The following TMED10 variants were observed in gnomAD, a reference collection of about 807,000 sequenced individuals.
The protein encoded by TMED10 is transmembrane emp24 domain-containing protein 10.
TMED10 carries 7 observed loss-of-function variants against 23.1 expected under a neutral mutation model. The ratio of observed to expected loss-of-function variants is 0.30; its 90% CI spans 0.17 to 0.57. The LOEUF (loss-of-function observed/expected upper bound fraction) is 0.57. Among genes scored for constraint, TMED10 ranks in the 20% least tolerant of loss-of-function variants. TMED10 has a pLI of 0.91. For missense variants in TMED10, 162 were observed against 274.8 expected (o/e 0.59, Z 2.90); for synonymous variants, 113 against 106.9 (o/e 1.06, Z -0.35).
chr14:75,176,214 G>T, intron 1 of TMED10, 141 bp downstream of exon 1: 1 of 1,020,990 alleles, frequency 9.8e-7, no homozygotes. Flanking sequence ...TGAGGGGGCG[G>T]GCTCCACCGC....
chr14:75,147,185 G>GTTTTTTTTTTGTTTTTTTTTTTTTTT (rs1491353231), intron 3 of TMED10, among the ~76,000 whole-genome samples: 19 of 116,634 alleles, frequency 1.6e-4, no homozygotes, highest in African/African-American at 6.9e-4. Context: ...CTTCAAGGCT[G>GTTTTTTTTTTGTTTTTTTTTTTTTTT]TTTTTTTTTT....
At chr14:75,135,943 T>C in intron 3 of TMED10, 57 bp from the exon 4 acceptor site, 3 of 1,595,234 alleles carry the variant, frequency 1.9e-6, no homozygotes, top group East Asian at 2.2e-5. Flanking sequence ...GTCAAGAACA[T>C]AAAGAAGGCA....
At chr14:75,153,831 G>A (rs1466924729) in intron 1 of TMED10, among the ~76,000 whole-genome samples, 2 of 138,796 alleles carry the variant, frequency 1.4e-5, no homozygotes, top group Non-Finnish European at 3.0e-5. Flanking sequence ...GTGCAGTGGC[G>A]TGATCTCGGC....
Position 75,151,215 on chromosome 14 carries a change from G to T in TMED10, c.337+817C>A, listed in dbSNP as rs112696793. ...TCACTGCGCCCGGCCAGTTTTTTTT[G>T]TTGTTGTTGTTGTTTATTTTTTTGA... is the stretch of plus-strand genomic sequence containing the variant. On this transcript the variant is annotated intron_variant, in intron 2 of 4. Transcript: ENST00000303575. Among the ~76,000 whole-genome samples, 1,212 of 149,760 alleles carry T rather than the reference G, an allele frequency of 8.1e-3. 10 individuals carry two copies. The highest frequency in any genetic ancestry group is 0.022 in the African/African-American group (896 of 40,682).
chr14:75,160,233 G>A lies in TMED10; in HGVS notation c.226-8090C>T, dbSNP rs535320392. 7.9e-5 allele frequency among the ~76,000 whole-genome samples: 12 copies of A among 152,184 alleles called. No individual in the cohort carries two copies. The South Asian group carries it at 1.0e-3, about 13-fold the overall frequency. On this transcript the variant is annotated intron_variant, in intron 1 of 4. Transcript: ENST00000303575. ...GTTCATATAACTTTGTAGTTATTTA[G>A]GAGCCAAGTCATTAGTCTTAAAGAA...
intron 1 of TMED10, among the ~76,000 whole-genome samples, chr14:75,156,135 G>A (rs984197608): frequency 6.6e-6 from 1 of 152,106 alleles, no homozygotes; most frequent in African/African-American, 2.4e-5. Context: ...GAAAGATGAC[G>A]CTACCAGTAC....
chr14:75,158,454 C>T (rs1403944952), intron 1 of TMED10, among the ~76,000 whole-genome samples: 1 of 152,232 alleles, frequency 6.6e-6, no homozygotes, highest in Non-Finnish European at 1.5e-5. Flanking sequence ...CAGTCTTCCG[C>T]GTAGCTGGGA....
Position 75,137,592 on chromosome 14 carries a change from G to A in TMED10, c.412-1706C>T, listed in dbSNP as rs528471455. Reference sequence around the variant, plus strand: ...CGGGAGGCTGCGGCAGGAGAATGGCGTGAACCCAGGAGGCGGAGCTTGCAG... The same window carrying A: ...CGGGAGGCTGCGGCAGGAGAATGGCATGAACCCAGGAGGCGGAGCTTGCAG... On this transcript the variant is annotated intron_variant, in intron 3 of 4. Transcript: ENST00000303575. 5.3e-5 allele frequency among the ~76,000 whole-genome samples: 8 copies of A among 150,498 alleles called. No homozygotes were observed. In the East Asian group the frequency reaches 1.2e-3, roughly 23 times the overall value.
chr14:75,164,564 TATATA>T (rs1199367804), intron 1 of TMED10, among the ~76,000 whole-genome samples: 1 of 2,782 alleles, frequency 3.6e-4, no homozygotes, highest in Non-Finnish European at 1.1e-3. Flanking sequence ...TATATATATA[TATATA>T]TATATATATT....
At position 75,134,196 on chromosome 14, in the gene TMED10, C is replaced by T. The variant is rs1465119637; in HGVS notation, c.*689G>A. On this transcript the variant is annotated 3_prime_UTR_variant, in exon 5 of 5. Transcript: ENST00000303575. ...TTGTGATGGTGGTCACATGAATCTA[C>T]ACATGTGATAATATTGCATAGAATT... The T allele has an allele frequency of 6.4e-6, 1 of 155,314 alleles. No homozygotes were observed. Among genetic ancestry groups the T allele is most frequent in the Non-Finnish European group, 1.4e-5 (1 of 70,020 alleles). The allele number at this position is 155,314 out of a possible 1,614,324, so 9.6% of individuals were successfully genotyped here. A position where few individuals can be genotyped will look rare whatever the true frequency, so the allele number is the denominator to read the frequency against.
At chr14:75,138,211 A>G (rs1377867180) in intron 3 of TMED10, among the ~76,000 whole-genome samples, 42 of 152,232 alleles carry the variant, frequency 2.8e-4, no homozygotes, top group African/African-American at 2.4e-5. Context: ...TGTGATGAAC[A>G]AAAGTTATTT....
At chr14:75,147,228 G>A (rs1388135680) in intron 3 of TMED10, among the ~76,000 whole-genome samples, 2 of 132,542 alleles carry the variant, frequency 1.5e-5, no homozygotes, top group Admixed American at 8.0e-5. Flanking sequence ...TTGCCCTGTC[G>A]CCCAGGCTGG....
At chr14:75,172,664 T>G (rs1428126311) in intron 1 of TMED10, among the ~76,000 whole-genome samples, 1 of 152,152 alleles carries the variant, frequency 6.6e-6, no homozygotes, top group Non-Finnish European at 1.5e-5. Flanking sequence ...TTTATATTTT[T>G]AAAGAGATGC....
At chr14:75,151,597 AT>A (rs1442764292) in intron 2 of TMED10, among the ~76,000 whole-genome samples, 1 of 152,072 alleles carries the variant, frequency 6.6e-6, no homozygotes, top group African/African-American at 2.4e-5. Context: ...GATTTCCCAT[AT>A]CCCCCTTCCT....
chr14:75,143,134 C>G (rs141004344), intron 3 of TMED10, among the ~76,000 whole-genome samples: 145 of 152,286 alleles, frequency 9.5e-4, no homozygotes, highest in African/African-American at 3.3e-3. Flanking sequence ...GCTGGGATTA[C>G]AGGTGTGAGC....
intron 3 of TMED10, 58 bp from the exon 4 acceptor site, chr14:75,135,944 AAAG>A: frequency 6.3e-7 from 1 of 1,594,584 alleles, no homozygotes; most frequent in Non-Finnish European, 8.5e-7. Flanking sequence ...TCAAGAACAT[AAAG>A]AAGGCAACAG....
At chr14:75,144,563 A>G (rs1566670324) in intron 3 of TMED10, among the ~76,000 whole-genome samples, 1 of 152,204 alleles carries the variant, frequency 6.6e-6, no homozygotes, top group Non-Finnish European at 1.5e-5. Context: ...AGTGTGGTAC[A>G]ATTACTATTC....
At chr14:75,164,567 A>AT (rs1896133904) in intron 1 of TMED10, among the ~76,000 whole-genome samples, 2 of 1,956 alleles carry the variant, frequency 1.0e-3, no homozygotes, top group African/African-American at 2.5e-3. Flanking sequence ...ATATATATAT[A>AT]TATATATATA....
At chr14:75,149,708 A>C (rs908086156) in intron 2 of TMED10, among the ~76,000 whole-genome samples, 11 of 152,214 alleles carry the variant, frequency 7.2e-5, no homozygotes, top group African/African-American at 2.2e-4. Flanking sequence ...AAAAGGGAAC[A>C]CCTAAAGGCA....
Sources: gnomAD v4.1 joint callset for allele counts (sites outside exome capture counted in the v4.1 genomes callset) on GRCh38, gnomAD v4.1.1 for gene constraint, MANE v1.5 for transcripts, NCBI Gene and HGNC (gene_info 2026-07-23, HGNC 2026-07-21) for gene names.